Variants in OXNAD1 observed in about 807,000 individuals in gnomAD.
OXNAD1 encodes the protein oxidoreductase NAD-binding domain-containing protein 1.
In OXNAD1, 34 loss-of-function variants were observed where a neutral mutation model predicts 32.9. That is an observed-to-expected ratio of 1.03 (90% confidence interval 0.79 to 1.38). OXNAD1 has a LOEUF of 1.38. Ranked by LOEUF, OXNAD1 falls within the 40% of genes most tolerant of loss-of-function variation. OXNAD1 has a pLI of 0.00. For missense variants in OXNAD1, 407 were observed against 379.4 expected, an observed-to-expected ratio of 1.07 and a Z score of -0.60; for synonymous variants, 134 against 135.2, an observed-to-expected ratio of 0.99 and a Z score of 0.06.
At chr3:16,318,874 G>A (rs1363706565) in intron 9 of OXNAD1, among the ~76,000 whole-genome samples, 1 of 152,186 alleles carries the variant, frequency 6.6e-6, no homozygotes, top group Non-Finnish European at 1.5e-5. Context: ...CCCAAACTGT[G>A]AGGATCCCAA....
intron 1 of OXNAD1, among the ~76,000 whole-genome samples, chr3:16,267,851 T>C (rs559781461): frequency 1.3e-5 from 2 of 152,382 alleles, no homozygotes; most frequent in South Asian, 2.1e-4. Context: ...GAACTGAGTA[T>C]ACCTGTTGAA....
chr3:16,336,962 C>G lies in OXNAD1; in HGVS notation c.*31-150C>G, dbSNP rs1017545726. On this transcript the variant is annotated intron_variant, in intron 9 of 9. Coordinates refer to the OXNAD1 transcript ENST00000435829. The surrounding 1 kb of genome is among the most constrained non-coding windows in gnomAD (Gnocchi z 6.0). Reference sequence around the variant, plus strand: ...ACTTTCCAACACAGCTCGGCAGCTCCTCCCATAAGAGGGAGAGTCCCTCTG... The same window carrying G: ...ACTTTCCAACACAGCTCGGCAGCTCGTCCCATAAGAGGGAGAGTCCCTCTG... 1 of 152,230 alleles carries G rather than the reference C, an allele frequency of 6.6e-6. No individual in the cohort carries two copies. Among genetic ancestry groups the G allele is most frequent in the Admixed American group, 6.5e-5 (1 of 15,292 alleles). The allele number at this position is 152,230 out of a possible 1,614,324, so 9.4% of individuals were successfully genotyped here.
In OXNAD1 at chr3:16,319,727, G is replaced by A. The variant is rs75114931; in HGVS notation, c.*30+16135G>A. Among the ~76,000 whole-genome samples, 536 of 152,290 alleles carry A rather than the reference G, an allele frequency of 3.5e-3. 2 individuals are homozygous for A. Among genetic ancestry groups the A allele is most frequent in the African/African-American group, 0.012 (497 of 41,554 alleles). On this transcript the variant is annotated intron_variant, in intron 9 of 9. Coordinates refer to the OXNAD1 transcript ENST00000435829. ...ATAATACAAAACGAGAACACAAATG[G>A]TAGAAAACAAACAACAAAAACTGTT...
chr3:16,318,553 ATC>A (rs1434866387), intron 9 of OXNAD1, among the ~76,000 whole-genome samples: 1 of 152,206 alleles, frequency 6.6e-6, no homozygotes, highest in Non-Finnish European at 1.5e-5. Context: ...CACGGTAGAG[ATC>A]TGTTTCCTCA....
intron 4 of OXNAD1, among the ~76,000 whole-genome samples, chr3:16,281,181 A>G (rs529641439): frequency 2.0e-5 from 3 of 152,370 alleles, no homozygotes; most frequent in South Asian, 4.1e-4. Context: ...CTAGAAATCT[A>G]TATAGTATAC....
Position 16,316,918 on chromosome 3 carries a change from C to T in OXNAD1, c.*30+13326C>T, listed in dbSNP as rs750682930. The T allele has an allele frequency of 5.0e-6, 8 of 1,614,124 alleles. No homozygotes were observed. The highest frequency in any genetic ancestry group is 6.8e-6 in the Non-Finnish European group (8 of 1,180,024). On this transcript the variant is annotated intron_variant, in intron 9 of 9. Transcript: ENST00000435829. This position sits in a 1 kb window ranked among gnomAD's most constrained non-coding sequence, Gnocchi z 4.5. ...CAGGATTGGAGTGCCCAGTGCAAAT[C>T]CCCACCAGGGCCCTGCTGTGGCTGG... is the stretch of plus-strand genomic sequence containing the variant.
In OXNAD1 at chr3:16,290,679, A is replaced by C. The variant is rs895026529; in HGVS notation, c.291-4177A>C. On this transcript the variant is annotated intron_variant, in intron 5 of 8. Transcript: ENST00000285083. This position sits in a 1 kb window ranked among gnomAD's most constrained non-coding sequence, Gnocchi z 4.2. ...CTTGTCAGAAATGAAAAGAAAGTTA[A>C]AGTACTCATGGAAAAGAGTCAAGTG... Among the ~76,000 whole-genome samples the C allele has an allele frequency of 5.3e-5, 8 of 152,238 alleles. No individual in the cohort carries two copies. The highest frequency in any genetic ancestry group is 1.9e-4 in the African/African-American group (8 of 41,452).
In OXNAD1 at chr3:16,345,301, T is replaced by TGTGTGTGTGTGTGTGTGTGTGTGTG. The variant is rs1559842639; in HGVS notation, c.*31-3875_*31-3874insGTGTGTGTGTGTGTGTGTGTGTGTG. On this transcript the variant is annotated intron_variant, in intron 9 of 9. Transcript: ENST00000606098. This position sits in a 1 kb window ranked among gnomAD's most constrained non-coding sequence, Gnocchi z 5.2. ...GTGTGTGTGTGTGTGTGTGTGTGTG[T>TGTGTGTGTGTGTGTGTGTGTGTGTG]TTAAAGCTGTTATAGAATTATCTCC... The TGTGTGTGTGTGTGTGTGTGTGTGTG allele has an allele frequency of 5.5e-5, 8 of 146,422 alleles. No homozygotes were observed. The highest frequency in any genetic ancestry group is 2.0e-4 in the African/African-American group (8 of 40,316). The allele number at this position is 146,422 out of a possible 1,614,324, so 9.1% of individuals were successfully genotyped here.
At chr3:16,309,523 CCTGT>C (rs1308367186), downstream of OXNAD1, among the ~76,000 whole-genome samples, 6 of 3,090 alleles carry the variant, frequency 1.9e-3, 3 homozygotes, top group African/African-American at 0.037. Flanking sequence ...GTTCCGTAGG[CCTGT>C]CTGTCTTTTC....
At chr3:16,273,692 ATTTTC>A (rs1043996302) in intron 4 of OXNAD1, among the ~76,000 whole-genome samples, 1 of 152,090 alleles carries the variant, frequency 6.6e-6, no homozygotes, top group Admixed American at 6.6e-5. Context: ...CCTGGCCAGT[ATTTTC>A]TTTTTAACAG....
exon 10 of OXNAD1, chr3:16,349,559 A>G (rs888518640): frequency 1.3e-5 from 2 of 152,276 alleles, no homozygotes; most frequent in African/African-American, 4.8e-5. Context: ...ACGTATACAC[A>G]TACGCCATTT....
Position 16,298,613 on chromosome 3 carries a change from C to T in OXNAD1, c.433-3013C>T, listed in dbSNP as rs375513393. Among the ~76,000 whole-genome samples the T allele has an allele frequency of 3.3e-5, 5 of 152,130 alleles. 1 individual carries two copies. Among genetic ancestry groups the T allele is most frequent in the South Asian group, 2.1e-4 (1 of 4,818 alleles). ...TGAGGATTTGTCTTATTAAGCCATTCGAGTGGACAATGGAGGCACGTGAGT... is the reference window on the plus strand; with the variant it reads ...TGAGGATTTGTCTTATTAAGCCATTTGAGTGGACAATGGAGGCACGTGAGT... On this transcript the variant is annotated intron_variant, in intron 6 of 8. Transcript: ENST00000285083. This position sits in a 1 kb window ranked among gnomAD's most constrained non-coding sequence, Gnocchi z 5.1.
chr3:16,306,264 C>T (rs780225121), downstream of OXNAD1, among the ~76,000 whole-genome samples: 86 of 152,196 alleles, frequency 5.7e-4, no homozygotes, highest in African/African-American at 1.4e-3. Flanking sequence ...ATCCATCACC[C>T]GGCTTCCATG....
intron 4 of OXNAD1, among the ~76,000 whole-genome samples, chr3:16,279,996 G>T (rs2065630880): frequency 6.6e-6 from 1 of 152,196 alleles, no homozygotes; most frequent in Admixed American, 6.5e-5. Context: ...CAAGTGCCTG[G>T]TTTTAAATCT....
chr3:16,309,696 G>C (rs116136143), downstream of OXNAD1, among the ~76,000 whole-genome samples: 699 of 151,576 alleles, frequency 4.6e-3, 6 homozygotes, highest in African/African-American at 0.016. Context: ...ATGGTGGGAG[G>C]AACATGACAC....
intron 9 of OXNAD1, chr3:16,326,847 G>T: frequency 6.2e-7 from 1 of 1,614,066 alleles, no homozygotes; most frequent in Non-Finnish European, 8.5e-7. Flanking sequence ...AGTTCAGCAG[G>T]GGCACGTAGT....
In OXNAD1 at chr3:16,322,372, T is replaced by G. The variant is rs1175532058; in HGVS notation, c.*31-14740T>G. 6.6e-6 allele frequency among the ~76,000 whole-genome samples: 1 copy of G among 152,226 alleles called. No individual in the cohort carries two copies. Among genetic ancestry groups the G allele is most frequent in the African/African-American group, 2.4e-5 (1 of 41,458 alleles). On this transcript the variant is annotated intron_variant, in intron 9 of 9. Transcript: ENST00000435829. This position sits in a 1 kb window ranked among gnomAD's most constrained non-coding sequence, Gnocchi z 6.2. ...CTGGTGAGGGGCTGCTCCAATCTGT[T>G]CATTTACTTGATGCTCCTTCCCAGG...
At chr3:16,326,914 A>G (rs1349578720) in intron 9 of OXNAD1, 1 of 1,516,232 alleles carries the variant, frequency 6.6e-7, no homozygotes, top group African/African-American at 1.4e-5. Context: ...TGCTGCTGCC[A>G]CAAGCCAACT....
At chr3:16,319,664 G>C (rs143650357) in intron 9 of OXNAD1, among the ~76,000 whole-genome samples, 1 of 152,206 alleles carries the variant, frequency 6.6e-6, no homozygotes, top group Non-Finnish European at 1.5e-5. Context: ...GCCACATCCA[G>C]TTTCCTGTAG....
Sources: allele counts gnomAD v4.1 joint callset (sites outside exome capture counted in the v4.1 genomes callset), GRCh38; gene constraint gnomAD v4.1.1; non-coding constraint Gnocchi (gnomAD v3.1); transcripts MANE v1.5; gene names NCBI Gene and HGNC (gene_info 2026-07-23, HGNC 2026-07-21).